The following MED12 variants were observed in gnomAD, a reference collection of about 807,000 sequenced individuals.
MED12 encodes the protein mediator complex subunit 12.
In MED12, 10 loss-of-function variants were observed where a neutral mutation model predicts 177.7. The observed-to-expected ratio is 0.06, with a 90% CI of 0.03 to 0.10. MED12 has a LOEUF of 0.10. MED12 is among the 10% of genes least tolerant of loss of function. The probability of loss-of-function intolerance (pLI) is 1.00; values close to 1 mark genes in which losing one functional copy is unlikely to be tolerated. For synonymous variants in MED12, 641 were observed against 678.4 expected, an observed-to-expected ratio of 0.94 and a Z score of 0.86; for missense variants, 867 against 1,780.8, an observed-to-expected ratio of 0.49 and a Z score of 9.23.
chrX:71,138,067 T>C, intron 41 of MED12, 124 bp downstream of exon 41: 1 of 658,777 alleles, frequency 1.5e-6, no homozygotes, highest in Non-Finnish European at 2.4e-6. Context: ...AGAATACTTA[T>C]CTGGCCACAT....
In MED12 at chrX:71,131,624, G is replaced by A. The variant is rs1324006564; in HGVS notation, c.4119+3G>A. On this transcript the variant is annotated splice_donor_region_variant and intron_variant, in intron 29 of 44. Transcript: ENST00000374080. Reference sequence around the variant, plus strand: ...TGATCAAGCAGACCCCTAACAATGTGAGTAGTGCCTGGACCCTCCCTTTCC... The same window carrying A: ...TGATCAAGCAGACCCCTAACAATGTAAGTAGTGCCTGGACCCTCCCTTTCC... 1 of 1,209,678 alleles carries A rather than the reference G, an allele frequency of 8.3e-7. No individual in the cohort carries two copies. The highest frequency in any genetic ancestry group is 1.1e-6 in the Non-Finnish European group (1 of 893,823).
intron 28 of MED12, among the ~76,000 whole-genome samples, chrX:71,130,541 T>C (rs2092314358): frequency 8.9e-6 from 1 of 112,753 alleles, no homozygotes; most frequent in Non-Finnish European, 1.9e-5. Context: ...AACTGAATAG[T>C]AATAGCTACT....
chrX:71,126,406 G>A lies in MED12; in HGVS notation c.2607G>A (p.Leu869=). The A allele has an allele frequency of 8.3e-7, 1 of 1,211,510 alleles. No individual in the cohort carries two copies. Among genetic ancestry groups the A allele is most frequent in the Non-Finnish European group, 1.1e-6 (1 of 895,142 alleles). Residue 869 remains leucine, a synonymous_variant, in exon 19 of 45, where the codon CTG becomes CTA. Coordinates refer to ENST00000374080, the MANE Select transcript of MED12 (RefSeq NM_005120.3). The part of the protein sequence containing the change: ...FALGMSYHLP[L]VQHVQFIFDL... ...TTGGCATGTCATACCACTTGCCTCT[G>A]GTGCAGCATGTGCAGTTCATCTTCG...
chrX:71,141,999 G>A, intron 44 of MED12, 35 bp downstream of exon 44: 1 of 1,199,297 alleles, frequency 8.3e-7, no homozygotes, highest in Admixed American at 2.2e-5. Flanking sequence ...AGAACCCCAT[G>A]GAATAAATTT....
chrX:71,137,338 G>A lies in MED12; in HGVS notation c.5703G>A (p.Gln1901=), dbSNP rs2092335072. 2 of 1,209,874 alleles carry A rather than the reference G, an allele frequency of 1.7e-6. No homozygotes were observed. The highest frequency in any genetic ancestry group is 2.2e-6 in the Non-Finnish European group (2 of 895,197). Residue 1901 remains glutamine (Q), a synonymous_variant, in exon 39 of 45, where the codon CAG becomes CAA. Coordinates refer to ENST00000374080, the MANE Select transcript of MED12 (RefSeq NM_005120.3). ...ATAAGACCTCTGTGTACCGGCAGCA[G>A]CAACCTGCGGTGCCCCAAGGACAGC... ...SSYKTSVYRQ[Q]QPAVPQGQRL...
At position 71,127,423 on chromosome X, in the gene MED12, C is replaced by T. The variant is rs758935114; in HGVS notation, c.2937C>T (p.Tyr979=). The T allele has an allele frequency of 9.1e-6, 11 of 1,204,835 alleles. No homozygotes were observed. Among genetic ancestry groups the T allele is most frequent in the Non-Finnish European group, 1.2e-5 (11 of 891,117 alleles). ...TCCTTGCTTATCTCTATGATCTGTACACCTCCTGTAGCCATTTAAAGAACA... is the reference window on the plus strand; with the variant it reads ...TCCTTGCTTATCTCTATGATCTGTATACCTCCTGTAGCCATTTAAAGAACA... ...RCILAYLYDL[Y]TSCSHLKNKF... is the part of the protein sequence containing the mutation. Residue 979 remains tyrosine (Y), a synonymous_variant, in exon 21 of 45, where the codon TAC becomes TAT. Coordinates refer to ENST00000374080, the MANE Select transcript of MED12 (RefSeq NM_005120.3).
Position 71,121,046 on chromosome X carries a change from C to T in MED12, c.629C>T (p.Ala210Val), listed in dbSNP as rs1213475397. 4.1e-6 allele frequency: 5 copies of T among 1,211,589 alleles called. No individual in the cohort carries two copies. The highest frequency in any genetic ancestry group is 2.2e-5 in the Admixed American group (1 of 46,068). Reference sequence around the variant, plus strand: ...GCTGAATACTACCGGCCAGGGCCTGCAGGAAGTGGGGGCTGTGGTTCCACG... The same window carrying T: ...GCTGAATACTACCGGCCAGGGCCTGTAGGAAGTGGGGGCTGTGGTTCCACG... ...KMAEYYRPGP[A>V]GSGGCGSTIG... is the part of the protein sequence containing the mutation. Residue 210 changes from alanine (A) to valine (V), a missense_variant, in exon 5 of 45, where the codon GCA (alanine) becomes GTA (valine). Ala to Val is a moderately conservative substitution (Grantham distance 64). Coordinates refer to ENST00000374080, the MANE Select transcript of MED12 (RefSeq NM_005120.3).
At chrX:71,142,097 A>T in intron 44 of MED12, 78 bp from the exon 45 acceptor site, 1 of 1,122,813 alleles carries the variant, frequency 8.9e-7, no homozygotes, top group Non-Finnish European at 1.2e-6. Flanking sequence ...CCTTCCCTCG[A>T]TACCTGAACA....
chrX:71,137,941 A>G lies in MED12; in HGVS notation c.6042A>G (p.Gln2014=). The stretch of plus-strand genomic sequence containing the variant: ...ATGGACATGGACTGACCTCCACTCA[A>G]AGGTACCCAAAGTAGTGGTGAGCTA... ...PTYGHGLTST[Q]RFSHQTLQQT... The change falls in exon 41 of 45, where the codon CAA becomes CAG. Residue 2014 remains glutamine, a splice_region_variant and synonymous_variant. Coordinates refer to ENST00000374080, the MANE Select transcript of MED12 (RefSeq NM_005120.3). 1.7e-6 allele frequency: 2 copies of G among 1,207,422 alleles called. No homozygotes were observed. The highest frequency in any genetic ancestry group is 1.1e-6 in the Non-Finnish European group (1 of 891,733).
rs2092344752 is a variant in MED12, at chrX:71,140,685, C to T, written c.6095C>T (p.Pro2032Leu). The T allele has an allele frequency of 8.3e-7, 1 of 1,210,209 alleles. No homozygotes were observed. Residue 2032 changes from proline (P) to leucine (L), a missense_variant, in exon 42 of 45, where the codon CCA becomes CTA. This residue lies in a region of MED12 where 236 missense variants were observed against 345.2 expected (regional missense o/e 0.68). Transcript: ENST00000374080. ...ACACCCATGATAAGTACCATGACTC[C>T]AATGAGTGCCCAGGGCGTCCAGGCA... ...QQTPMISTMT[P>L]MSAQGVQAGV...
chrX:71,138,812 C>T (rs756981305), intron 41 of MED12, among the ~76,000 whole-genome samples: 1 of 110,751 alleles, frequency 9.0e-6, no homozygotes, highest in South Asian at 3.8e-4. Context: ...CATAGATGAA[C>T]TACATGATAA....
At position 71,126,448 on chromosome X, in the gene MED12, A is replaced by G. The variant is rs1046542346; in HGVS notation, c.2649A>G (p.Ser883=). The change falls in exon 19 of 45, where the codon TCA becomes TCG. Residue 883 remains serine (S), a synonymous_variant. Transcript: ENST00000374080. ...TCATCTTCGACCTCATGGAATATTC[A>G]CTCAGCATCAGTGGCCTCATCGACT... is the stretch of plus-strand genomic sequence containing the variant. ...VQFIFDLMEY[S]LSISGLIDFA... is the part of the protein sequence containing the mutation. 3.3e-6 allele frequency: 4 copies of G among 1,210,787 alleles called. No homozygotes were observed. Among genetic ancestry groups the G allele is most frequent in the Non-Finnish European group, 3.4e-6 (3 of 895,400 alleles).
intron 41 of MED12, among the ~76,000 whole-genome samples, chrX:71,138,536 C>G (rs2092338375): frequency 9.2e-6 from 1 of 109,257 alleles, no homozygotes. Flanking sequence ...CCATGTTGCC[C>G]AGGCTGGTCT....
Position 71,119,696 on chromosome X carries a change from A to C in MED12, c.215A>C (p.Asn72Thr). The C allele has an allele frequency of 8.3e-7, 1 of 1,211,201 alleles. No homozygotes were observed. The highest frequency in any genetic ancestry group is 1.1e-6 in the Non-Finnish European group (1 of 895,212). Residue 72 changes from asparagine (N) to threonine (T), a missense_variant, in exon 3 of 45, where the codon AAC (asparagine) becomes ACC (threonine). This residue lies in a region of MED12 where 42 missense variants were observed against 129.6 expected (regional missense o/e 0.32). Coordinates refer to ENST00000374080, the MANE Select transcript of MED12 (RefSeq NM_005120.3). ...CTTTTCTTCCCTCAGATCAGTTCCAACTTCAGCAGCATTATTGCAGAGAAA... is the reference window on the plus strand; with the variant it reads ...CTTTTCTTCCCTCAGATCAGTTCCACCTTCAGCAGCATTATTGCAGAGAAA... Reference protein sequence around the residue: ...VSFNPAKISSNFSSIIAEKLR... With the variant: ...VSFNPAKISSTFSSIIAEKLR...
intron 33 of MED12, among the ~76,000 whole-genome samples, 188 bp downstream of exon 33, chrX:71,133,400 C>T (rs1722113654): frequency 9.3e-6 from 1 of 107,724 alleles, no homozygotes. Context: ...GTGGCGCCAT[C>T]TCAGCTCACT....
At position 71,136,896 on chromosome X, in the gene MED12, G is replaced by A. The variant is rs770957462; in HGVS notation, c.5418G>A (p.Pro1806=). The change falls in exon 38 of 45, where the codon CCG becomes CCA. Residue 1806 remains proline, a synonymous_variant. Coordinates refer to ENST00000374080, the MANE Select transcript of MED12 (RefSeq NM_005120.3). ...TCACACAGGACTATGGAATGGGCCC[G>A]GGTCGGAGCGGCCCTTATGGTGTGA... ...ATKTEDYGMG[P]GRSGPYGVTV... 22 of 1,208,720 alleles carry A rather than the reference G, an allele frequency of 1.8e-5. No individual in the cohort carries two copies. Among genetic ancestry groups the A allele is most frequent in the Middle Eastern group, 2.3e-4 (1 of 4,374 alleles).
chrX:71,134,271 G>A (rs1188278649), intron 33 of MED12, 86 bp from the exon 34 acceptor site: 2 of 496,744 alleles, frequency 4.0e-6, no homozygotes, highest in African/African-American at 2.5e-5. Context: ...GAACTCAGGC[G>A]TCCCAACTCA....
Position 71,133,218 on chromosome X carries a change from A to T in MED12, c.4617+6A>T, listed in dbSNP as rs1476303865. 1 of 1,171,133 alleles carries T rather than the reference A, an allele frequency of 8.5e-7. No homozygotes were observed. The highest frequency in any genetic ancestry group is 1.8e-5 in the South Asian group (1 of 56,084). ...TCAAACTGCGGCTCAACCTGGTGAG[A>T]AGGCCAGCTGGGGAGAAGAAGGAAG... On this transcript the variant is annotated splice_donor_region_variant and intron_variant, in intron 33 of 44. Transcript: ENST00000374080.
intron 33 of MED12, among the ~76,000 whole-genome samples, chrX:71,134,106 C>T (rs1313364533): frequency 9.1e-6 from 1 of 109,328 alleles, no homozygotes; most frequent in African/African-American, 3.3e-5. Flanking sequence ...TGGCAGGCGC[C>T]TGTAGTCCCA....
Sources: allele counts gnomAD v4.1 joint callset (sites outside exome capture counted in the v4.1 genomes callset), GRCh38; gene constraint gnomAD v4.1.1; regional missense constraint gnomAD v4.1.1; transcripts MANE v1.5; gene names NCBI Gene and HGNC (gene_info 2026-07-23, HGNC 2026-07-21).